RYK: variants seen among roughly 807,000 people sequenced by gnomAD.
RYK encodes the protein receptor like tyrosine kinase.
Under a neutral mutation model 70.2 loss-of-function variants are expected in RYK, and 21 were observed. The observed-to-expected ratio is 0.30, with a 90% CI of 0.21 to 0.43. The LOEUF (loss-of-function observed/expected upper bound fraction) is 0.43, where lower values mean the gene tolerates loss of function less well. RYK is among the 20% of genes least tolerant of loss of function. The pLI, the probability that RYK is intolerant of heterozygous loss-of-function variation, is 1.00. For missense variants in RYK, 604 were observed against 753.3 expected, an observed-to-expected ratio of 0.80 and a Z score of 2.32; for synonymous variants, 267 against 278.0, an observed-to-expected ratio of 0.96 and a Z score of 0.39.
intron 1 of RYK, among the ~76,000 whole-genome samples, chr3:134,246,551 GA>G (rs906997541): frequency 6.6e-6 from 1 of 151,610 alleles, no homozygotes; most frequent in Non-Finnish European, 1.5e-5. Context: ...CAAAAAAACA[GA>G]AAAAAAGAGG....
chr3:134,193,699 T>A (rs763469941), intron 7 of RYK, among the ~76,000 whole-genome samples: 2 of 152,106 alleles, frequency 1.3e-5, no homozygotes, highest in African/African-American at 4.8e-5. Context: ...GTGGGAAGAG[T>A]AGCTGCTATT....
chr3:134,187,151 T>A (rs1055790321), intron 9 of RYK, among the ~76,000 whole-genome samples: 2 of 152,126 alleles, frequency 1.3e-5, no homozygotes, highest in Admixed American at 1.3e-4. Flanking sequence ...TAGAAAATAT[T>A]AAAGAGGTGT....
chr3:134,222,013 G>A (rs2014753322), intron 2 of RYK, among the ~76,000 whole-genome samples: 1 of 152,154 alleles, frequency 6.6e-6, no homozygotes, highest in Admixed American at 6.5e-5. Flanking sequence ...TTCTCCATGA[G>A]TGGGAGAACT....
At chr3:134,207,655 T>G in intron 4 of RYK, 130 bp from the exon 5 acceptor site, 1 of 601,092 alleles carries the variant, frequency 1.7e-6, no homozygotes, top group Non-Finnish European at 2.9e-6. Flanking sequence ...AAAGCTATGT[T>G]ACTATTCTGA....
At chr3:134,169,331 G>T (rs533678608) in intron 13 of RYK, among the ~76,000 whole-genome samples, 1 of 152,214 alleles carries the variant, frequency 6.6e-6, no homozygotes, top group African/African-American at 2.4e-5. Context: ...AATTACGTTA[G>T]CTACTATAAT....
At chr3:134,240,679 TG>T (rs1403801298) in intron 1 of RYK, among the ~76,000 whole-genome samples, 3 of 152,172 alleles carry the variant, frequency 2.0e-5, no homozygotes, top group Admixed American at 1.3e-4. Context: ...GACACTCAGG[TG>T]TACCCATTAA....
chr3:134,242,231 G>A (rs1458109142), intron 1 of RYK, among the ~76,000 whole-genome samples: 8 of 151,944 alleles, frequency 5.3e-5, no homozygotes, highest in Non-Finnish European at 1.2e-4. Flanking sequence ...CTTGAACCCA[G>A]GAGGCAGAGG....
At chr3:134,212,382 C>A (rs1284588516) in intron 2 of RYK, among the ~76,000 whole-genome samples, 2 of 152,196 alleles carry the variant, frequency 1.3e-5, no homozygotes, top group Non-Finnish European at 2.9e-5. Flanking sequence ...AGAATGGCTG[C>A]CAGCATCAAG....
intron 1 of RYK, among the ~76,000 whole-genome samples, chr3:134,235,174 T>C (rs1054771319): frequency 2.0e-5 from 3 of 152,140 alleles, no homozygotes. Context: ...TTAAGTACCA[T>C]CTATCTCAAA....
chr3:134,204,805 G>T (rs193044341), intron 5 of RYK, among the ~76,000 whole-genome samples: 2 of 152,172 alleles, frequency 1.3e-5, no homozygotes, highest in Non-Finnish European at 2.9e-5. Flanking sequence ...TTTATCCTAA[G>T]TGAGATGGGG....
intron 13 of RYK, among the ~76,000 whole-genome samples, 184 bp downstream of exon 13, chr3:134,175,425 T>A (rs1211529438): frequency 1.3e-5 from 2 of 151,838 alleles, no homozygotes; most frequent in Non-Finnish European, 2.9e-5. Context: ...TGGCCTATGG[T>A]CTGGGTCACA....
chr3:134,198,582 GCACAA>G (rs2013888103), intron 6 of RYK, among the ~76,000 whole-genome samples: 1 of 152,186 alleles, frequency 6.6e-6, no homozygotes, highest in Non-Finnish European at 1.5e-5. Flanking sequence ...CCAGTACCTG[GCACAA>G]TAAGCCGCAA....
At chr3:134,182,620 A>G (rs1431073535) in intron 10 of RYK, among the ~76,000 whole-genome samples, 1 of 152,164 alleles carries the variant, frequency 6.6e-6, no homozygotes, top group African/African-American at 2.4e-5. Context: ...AGATTTATTC[A>G]TGTTTATTAT....
At chr3:134,249,440 G>C (rs966355696) in intron 1 of RYK, among the ~76,000 whole-genome samples, 2 of 152,014 alleles carry the variant, frequency 1.3e-5, no homozygotes, top group African/African-American at 4.8e-5. Context: ...CAAACACTCA[G>C]AAGCACCACC....
intron 6 of RYK, among the ~76,000 whole-genome samples, chr3:134,197,658 T>G (rs979412241): frequency 6.6e-6 from 1 of 152,150 alleles, no homozygotes; most frequent in Non-Finnish European, 1.5e-5. Flanking sequence ...AGTCCAGACT[T>G]CAATAATGGG....
chr3:134,233,178 CT>C (rs1440323724), intron 1 of RYK, among the ~76,000 whole-genome samples: 5 of 152,224 alleles, frequency 3.3e-5, no homozygotes, highest in Non-Finnish European at 5.9e-5. Context: ...TTTGACTGGG[CT>C]GCCCAAGTGA....
At chr3:134,182,914 A>G in intron 10 of RYK, 88 bp downstream of exon 10, 1 of 743,942 alleles carries the variant, frequency 1.3e-6, no homozygotes, top group Non-Finnish European at 2.1e-6. Flanking sequence ...CTTTCAATTC[A>G]GAAGTCATCA....
intron 6 of RYK, 59 bp downstream of exon 6, chr3:134,202,671 C>T (rs1193749916): frequency 2.0e-6 from 3 of 1,497,524 alleles, no homozygotes; most frequent in Non-Finnish European, 2.8e-6. Flanking sequence ...TGTATGGGCT[C>T]CCACATATAT....
At chr3:134,214,136 A>ACTT (rs2014484678) in intron 2 of RYK, among the ~76,000 whole-genome samples, 1 of 152,104 alleles carries the variant, frequency 6.6e-6, no homozygotes, top group Non-Finnish European at 1.5e-5. Context: ...CATAATGGCT[A>ACTT]CTTCTCATGC....
Sources: allele counts gnomAD v4.1 joint callset (sites outside exome capture counted in the v4.1 genomes callset), GRCh38; gene constraint gnomAD v4.1.1; transcripts MANE v1.5; gene names NCBI Gene and HGNC (gene_info 2026-07-23, HGNC 2026-07-21).